Variants in GABRG3 observed in about 807,000 individuals in gnomAD.
GABRG3 encodes gamma-aminobutyric acid type A receptor subunit gamma3, also known as gamma-aminobutyric acid receptor subunit gamma-3.
Under a neutral mutation model 48.8 loss-of-function variants are expected in GABRG3, and 25 were observed. The observed-to-expected ratio is 0.51, with a 90% CI of 0.37 to 0.72. The LOEUF (loss-of-function observed/expected upper bound fraction) is 0.72, where lower values mean the gene tolerates loss of function less well. Among genes scored for constraint, GABRG3 ranks in the 30% least tolerant of loss-of-function variants. The probability of loss-of-function intolerance (pLI) is 0.00; values close to 1 mark genes in which losing one functional copy is unlikely to be tolerated. For synonymous variants in GABRG3, 227 were observed against 217.6 expected (o/e 1.04, Z -0.38); for missense variants, 394 against 577.9 (o/e 0.68, Z 3.26).
chr15:27,479,962 AGCTCTG>A (rs1480446150), intron 5 of GABRG3, among the ~76,000 whole-genome samples: 3 of 152,254 alleles, frequency 2.0e-5, no homozygotes, highest in Non-Finnish European at 4.4e-5. Flanking sequence ...GCAAATAGCC[AGCTCTG>A]GCTCAGGGAG....
At chr15:27,450,465 T>G (rs915047292) in intron 5 of GABRG3, among the ~76,000 whole-genome samples, 7 of 152,140 alleles carry the variant, frequency 4.6e-5, no homozygotes, top group Non-Finnish European at 8.8e-5. Flanking sequence ...ACAAAAACCT[T>G]ATGATCATCT....
At chr15:27,015,768 T>G (rs1423257147) in intron 2 of GABRG3, among the ~76,000 whole-genome samples, 1 of 152,158 alleles carries the variant, frequency 6.6e-6, no homozygotes, top group East Asian at 1.9e-4. Flanking sequence ...TTCTTCCTGG[T>G]TACCATTACA....
At chr15:27,092,931 C>T (rs890389078) in intron 3 of GABRG3, among the ~76,000 whole-genome samples, 6 of 151,846 alleles carry the variant, frequency 4.0e-5, no homozygotes, top group African/African-American at 1.5e-4. Context: ...GGTCTGGTAG[C>T]TGAGTTTGTA....
chr15:27,262,436 C>T (rs1186588184), intron 3 of GABRG3, among the ~76,000 whole-genome samples: 1 of 152,226 alleles, frequency 6.6e-6, no homozygotes, highest in Non-Finnish European at 1.5e-5. Context: ...CTCTACTTCC[C>T]TTCTTCAGTG....
At chr15:27,184,998 A>AT (rs936196182) in intron 3 of GABRG3, among the ~76,000 whole-genome samples, 99 of 150,600 alleles carry the variant, frequency 6.6e-4, no homozygotes, top group African/African-American at 2.2e-3. Context: ...TGTTTCCTTG[A>AT]TTTTTCCTCT....
chr15:27,473,863 C>A (rs1015735823), intron 5 of GABRG3, among the ~76,000 whole-genome samples: 9 of 152,182 alleles, frequency 5.9e-5, no homozygotes, highest in Non-Finnish European at 1.3e-4. Context: ...CATGAAAACA[C>A]AAGGCAACCA....
rs139897898 is a variant in GABRG3, at chr15:27,144,421, C to T, written c.270+117600C>T. On this transcript the variant is annotated intron_variant, in intron 3 of 9. Transcript: ENST00000615808. ...AAACTGTCTGGTAGTTCTCAGGAAA[C>T]CACCATTCAAAGGGCATGTCTTTAT... Among the ~76,000 whole-genome samples the T allele has an allele frequency of 5.7e-4, 87 of 152,294 alleles. 2 individuals are homozygous for T. In the East Asian group the frequency reaches 0.016, roughly 29 times the overall value.
intron 3 of GABRG3, among the ~76,000 whole-genome samples, chr15:27,299,362 A>G (rs1159171501): frequency 6.6e-6 from 1 of 152,244 alleles, no homozygotes; most frequent in Non-Finnish European, 1.5e-5. Flanking sequence ...ATTTGAAGAC[A>G]CTAAAAATAA....
intron 3 of GABRG3, among the ~76,000 whole-genome samples, chr15:27,316,812 G>T (rs746732380): frequency 6.6e-6 from 1 of 152,102 alleles, no homozygotes; most frequent in East Asian, 1.9e-4. Context: ...TGAGAAAGTG[G>T]TGGATTTTGG....
At chr15:27,074,398 G>A (rs2140737704) in intron 3 of GABRG3, among the ~76,000 whole-genome samples, 1 of 152,172 alleles carries the variant, frequency 6.6e-6, no homozygotes, top group South Asian at 2.1e-4. Flanking sequence ...GGAGTGACAT[G>A]TGACCGCTTC....
chr15:27,062,726 C>T (rs1021622260), intron 3 of GABRG3, among the ~76,000 whole-genome samples: 8 of 152,048 alleles, frequency 5.3e-5, no homozygotes, highest in African/African-American at 1.9e-4. Context: ...ATCCTTTAAC[C>T]AGATGTTTTA....
intron 2 of GABRG3, among the ~76,000 whole-genome samples, chr15:27,007,070 G>T (rs1293830107): frequency 6.6e-6 from 1 of 151,374 alleles, no homozygotes; most frequent in Admixed American, 6.6e-5. Flanking sequence ...ACATACATGT[G>T]CATGTGTCTT....
chr15:27,410,875 TGTGTGTG>T (rs1887776938), intron 5 of GABRG3, among the ~76,000 whole-genome samples: 3 of 151,694 alleles, frequency 2.0e-5, no homozygotes, highest in Non-Finnish European at 4.4e-5. Flanking sequence ...TGTGTGTGTG[TGTGTGTG>T]TGTGTGTTGG....
chr15:27,066,431 C>T (rs1385007812), intron 3 of GABRG3, among the ~76,000 whole-genome samples: 1 of 152,150 alleles, frequency 6.6e-6, no homozygotes, highest in African/African-American at 2.4e-5. Flanking sequence ...CAAGAAAGAG[C>T]TCCTAACATT....
At chr15:27,042,797 C>T (rs1263458714) in intron 3 of GABRG3, among the ~76,000 whole-genome samples, 1 of 152,234 alleles carries the variant, frequency 6.6e-6, no homozygotes, top group Non-Finnish European at 1.5e-5. Flanking sequence ...GTCTGACAGC[C>T]TGAGTCAGGC....
chr15:27,408,864 G>A (rs1001948903), intron 5 of GABRG3, among the ~76,000 whole-genome samples: 2 of 152,148 alleles, frequency 1.3e-5, no homozygotes, highest in African/African-American at 4.8e-5. Context: ...ACCTTGGGTG[G>A]TGCAGTGATT....
At chr15:27,311,344 C>G (rs1024220273) in intron 3 of GABRG3, among the ~76,000 whole-genome samples, 2 of 152,166 alleles carry the variant, frequency 1.3e-5, no homozygotes, top group African/African-American at 4.8e-5. Flanking sequence ...CCCCCAGCTC[C>G]CAGATTTTCC....
At chr15:27,403,927 A>ACC (rs1217733969) in intron 5 of GABRG3, among the ~76,000 whole-genome samples, 1 of 125,136 alleles carries the variant, frequency 8.0e-6, no homozygotes, top group African/African-American at 3.9e-5. Context: ...AAAAAAAAAA[A>ACC]ACAAAAAAAA....
intron 7 of GABRG3, 95 bp downstream of exon 7, chr15:27,520,219 G>A: frequency 4.1e-6 from 5 of 1,221,940 alleles, no homozygotes; most frequent in Non-Finnish European, 5.8e-6. Context: ...ATTTAAATGT[G>A]AATGATCTCA....
Sources: gnomAD v4.1 joint callset for allele counts (sites outside exome capture counted in the v4.1 genomes callset) on GRCh38, gnomAD v4.1.1 for gene constraint, MANE v1.5 for transcripts, NCBI Gene and HGNC (gene_info 2026-07-23, HGNC 2026-07-21) for gene names.